The following FYCO1 variants were observed in gnomAD, a reference collection of about 807,000 sequenced individuals.
FYCO1 encodes FYVE and coiled-coil domain autophagy adaptor 1, also known as FYVE and coiled-coil domain-containing protein 1.
Under a neutral mutation model 165.1 loss-of-function variants are expected in FYCO1, and 122 were observed. That is an observed-to-expected ratio of 0.74 (90% CI 0.64 to 0.86). The LOEUF (loss-of-function observed/expected upper bound fraction) is 0.86. Among genes scored for constraint, FYCO1 ranks in the 40% least tolerant of loss-of-function variants. FYCO1 has a pLI of 0.00. For missense variants in FYCO1, 1,702 were observed against 1,810.3 expected (o/e 0.94, Z 1.09); for synonymous variants, 648 against 742.5 (o/e 0.87, Z 2.07).
At position 45,954,230 on chromosome 3, in the gene FYCO1, C is replaced by T. The variant is rs189034698; in HGVS notation, c.3944+1019G>A. On this transcript the variant is annotated intron_variant, in intron 14 of 17. Coordinates refer to ENST00000296137, the MANE Select transcript of FYCO1 (RefSeq NM_024513.4). Reference sequence around the variant, plus strand: ...ATGACATTTTTTGGGGGGGGTAAGGCGATTTTTTTAAAGCTCATTAGCTAT... The same window carrying T: ...ATGACATTTTTTGGGGGGGGTAAGGTGATTTTTTTAAAGCTCATTAGCTAT... Among the ~76,000 whole-genome samples, 484 of 150,780 alleles carry T rather than the reference C, an allele frequency of 3.2e-3. 1 individual carries two copies. Among genetic ancestry groups the T allele is most frequent in the Middle Eastern group, 0.01 (3 of 286 alleles).
At chr3:45,966,217 G>C in intron 8 of FYCO1, 60 bp downstream of exon 8, 1 of 1,571,478 alleles carries the variant, frequency 6.4e-7, no homozygotes, top group Admixed American at 1.7e-5. Context: ...ATCTTCCCAT[G>C]GACCCACCAG....
chr3:45,975,368 A>G (rs1466536743), intron 4 of FYCO1, 23 bp from the exon 5 acceptor site: 16 of 1,562,852 alleles, frequency 1.0e-5, no homozygotes, highest in Non-Finnish European at 1.4e-5. Flanking sequence ...GATTACATAG[A>G]GCCAAAGAGC....
chr3:45,957,042 A>C (rs1705372308), intron 13 of FYCO1, among the ~76,000 whole-genome samples: 1 of 152,262 alleles, frequency 6.6e-6, no homozygotes, highest in Non-Finnish European at 1.5e-5. Context: ...ATAGGCACAT[A>C]GATAAATGGA....
intron 15 of FYCO1, among the ~76,000 whole-genome samples, chr3:45,932,730 C>T (rs1342830135): frequency 6.6e-6 from 1 of 152,222 alleles, no homozygotes; most frequent in East Asian, 1.9e-4. Flanking sequence ...AACCAGGATG[C>T]TTTAAAGAAC....
rs1316367299 is a variant in FYCO1 at position 45,955,564 on chromosome 3, G to C, written c.3800-171C>G. On this transcript the variant is annotated intron_variant, in intron 13 of 17. Coordinates refer to ENST00000296137, the MANE Select transcript of FYCO1 (RefSeq NM_024513.4). ...TATTCTGTCCAGAGTTGAGAGAAAT[G>C]GTTGGTTGCTGGAACATTCCAAAAA... Among the ~76,000 whole-genome samples the C allele has an allele frequency of 2.0e-5, 3 of 152,202 alleles. No individual in the cohort carries two copies. In the East Asian group the frequency reaches 5.8e-4, roughly 29 times the overall value.
At chr3:45,924,316 G>A (rs942376855) in intron 16 of FYCO1, among the ~76,000 whole-genome samples, 5 of 152,130 alleles carry the variant, frequency 3.3e-5, no homozygotes, top group African/African-American at 4.8e-5. Flanking sequence ...TCATCTTCCC[G>A]TGCCTGGGCC....
chr3:45,975,382 C>G (rs1312538832), intron 4 of FYCO1, 37 bp from the exon 5 acceptor site: 3 of 1,487,866 alleles, frequency 2.0e-6, no homozygotes, highest in Non-Finnish European at 2.8e-6. Context: ...AAAGAGCTGT[C>G]AGCCTAACTC....
rs1433988571 is a variant in FYCO1 at position 45,962,760 on chromosome 3, G to C, written c.3270-368C>G. Among the ~76,000 whole-genome samples the C allele has an allele frequency of 6.6e-6, 1 of 152,136 alleles. No individual in the cohort carries two copies. The highest frequency in any genetic ancestry group is 1.5e-5 in the Non-Finnish European group (1 of 68,010). ...AGGAGAAAGGAGTCAGGACAGGCAG[G>C]ACAGAGGTGTAGCTTCCTGGAGGTG... On this transcript the variant is annotated intron_variant, in intron 10 of 17. Coordinates refer to ENST00000296137, the MANE Select transcript of FYCO1 (RefSeq NM_024513.4). This position sits in a 1 kb window ranked among gnomAD's most constrained non-coding sequence, Gnocchi z 4.4.
chr3:45,952,979 A>G (rs1445006306), intron 14 of FYCO1, among the ~76,000 whole-genome samples: 1 of 152,206 alleles, frequency 6.6e-6, no homozygotes, highest in Non-Finnish European at 1.5e-5. Context: ...GGGGTGTCCC[A>G]GGAAGGAAAG....
chr3:45,967,873 T>C lies in FYCO1; in HGVS notation c.1461A>G (p.Leu487=). Residue 487 remains leucine (L), a synonymous_variant, in exon 8 of 18, where the codon CTA becomes CTG. Coordinates refer to ENST00000296137, the MANE Select transcript of FYCO1 (RefSeq NM_024513.4). ...GTTTTTTCTCCCGCCTCAACTCTGC[T>C]AGCTCCTCCTCCCAGGAGCTCGTGT... The part of the protein sequence containing the change: ...LAHTSSWEEE[L]AELRREKKQQ... 1.9e-6 allele frequency: 3 copies of C among 1,614,106 alleles called. No homozygotes were observed. Among genetic ancestry groups the C allele is most frequent in the Non-Finnish European group, 2.5e-6 (3 of 1,179,996 alleles).
intron 2 of FYCO1, among the ~76,000 whole-genome samples, chr3:45,983,624 C>T (rs1707161902): frequency 6.6e-6 from 1 of 152,194 alleles, no homozygotes; most frequent in South Asian, 2.1e-4. Context: ...TCCTCAAGAA[C>T]CAGATATTGA....
At position 45,955,117 on chromosome 3, in the gene FYCO1, G is replaced by A. The variant is rs1186298391; in HGVS notation, c.3944+132C>T. The A allele has an allele frequency of 3.9e-5, 42 of 1,085,866 alleles. No individual in the cohort carries two copies. The East Asian group carries it at 5.7e-4, about 15-fold the overall frequency. The allele number at this position is 1,085,866 out of a possible 1,614,324, so 67.3% of individuals were successfully genotyped here. On this transcript the variant is annotated intron_variant, in intron 14 of 17. Coordinates refer to ENST00000296137, the MANE Select transcript of FYCO1 (RefSeq NM_024513.4). ...AGCGCCGATGCTCTTCAAGGCCATC[G>A]CAAGCACTGTTCCCTTAGGCAAGGA...
intron 4 of FYCO1, 138 bp downstream of exon 4, chr3:45,979,567 G>T: frequency 9.9e-7 from 1 of 1,009,356 alleles, no homozygotes; most frequent in Non-Finnish European, 1.5e-6. Flanking sequence ...TGGGCATTGC[G>T]TATACCTGGA....
At chr3:45,922,025 G>A (rs1029005188) in intron 17 of FYCO1, among the ~76,000 whole-genome samples, 185 bp from the exon 18 acceptor site, 8 of 152,216 alleles carry the variant, frequency 5.3e-5, no homozygotes, top group Admixed American at 1.3e-4. Context: ...AGGGTTTCGG[G>A]ACATCACTGT....
At chr3:45,984,834 C>A in intron 2 of FYCO1, 22 bp downstream of exon 2, 1 of 1,614,060 alleles carries the variant, frequency 6.2e-7, no homozygotes, top group Non-Finnish European at 8.5e-7. Context: ...CCAAACTCAG[C>A]CTGCCCAGCA....
Position 45,969,774 on chromosome 3 carries a change from C to T in FYCO1, c.540-9G>A. The T allele has an allele frequency of 1.2e-6, 2 of 1,611,736 alleles. No individual in the cohort carries two copies. The highest frequency in any genetic ancestry group is 8.5e-7 in the Non-Finnish European group (1 of 1,178,580). Reference sequence around the variant, plus strand: ...CAGTGGTCAGCGTCCTCCTGTGGGGCCACAAAACAGACATACCTGTATTCA... The same window carrying T: ...CAGTGGTCAGCGTCCTCCTGTGGGGTCACAAAACAGACATACCTGTATTCA... On this transcript the variant is annotated splice_polypyrimidine_tract_variant and intron_variant, in intron 6 of 17. Coordinates refer to ENST00000296137, the MANE Select transcript of FYCO1 (RefSeq NM_024513.4).
Position 45,968,489 on chromosome 3 carries a change from C to T in FYCO1, c.845G>A (p.Arg282His), listed in dbSNP as rs9875356. 3.8e-3 allele frequency: 6,195 copies of T among 1,613,998 alleles called. 156 individuals are homozygous for T. In the African/African-American group the frequency reaches 0.06, roughly 16 times the overall value. The change falls in exon 8 of 18, where the codon CGC becomes CAC. Residue 282 changes from arginine to histidine, a missense_variant. By Grantham distance (29) the Arg-to-His change is conservative. Transcript: ENST00000296137. ...EQLQTERERG[R>H]TAAEDNVRLT... ...GCGAACGTTGTCCTCCGCTGCAGTG[C>T]GCCCCCTCTCCCTCTCTGTCTGCAG...
intron 8 of FYCO1, 118 bp from the exon 9 acceptor site, chr3:45,965,243 G>A (rs1705941305): frequency 4.0e-6 from 3 of 750,452 alleles, no homozygotes; most frequent in Admixed American, 4.2e-5. Context: ...CCTGCAAACT[G>A]GCTCCTCAAT....
intron 5 of FYCO1, 127 bp from the exon 6 acceptor site, chr3:45,973,358 A>G: frequency 1.2e-6 from 1 of 864,184 alleles, no homozygotes; most frequent in East Asian, 2.6e-5. Context: ...CAGGCACACA[A>G]ACCAATTTCA....
Sources: gnomAD v4.1 joint callset for allele counts (sites outside exome capture counted in the v4.1 genomes callset) on GRCh38, gnomAD v4.1.1 for gene constraint, Gnocchi (gnomAD v3.1) non-coding constraint, MANE v1.5 for transcripts, NCBI Gene and HGNC (gene_info 2026-07-23, HGNC 2026-07-21) for gene names.